CUBN: variants seen among roughly 807,000 people sequenced by gnomAD.
CUBN encodes the protein 460 kDa receptor.
CUBN carries 282 observed loss-of-function variants against 405.3 expected under a neutral mutation model. The observed-to-expected ratio is 0.70, with a 90% CI of 0.63 to 0.77. The LOEUF is 0.77. Ranked by LOEUF, CUBN falls within the 30% of genes least tolerant of loss-of-function variation. CUBN has a pLI of 0.00. For synonymous variants in CUBN, 1,684 were observed against 1,617.0 expected (o/e 1.04, Z -0.99); for missense variants, 4,514 against 4,475.2 (o/e 1.01, Z -0.25).
Position 17,111,045 on chromosome 10 carries a change from G to A in CUBN, c.889C>T (p.Gln297Ter), listed in dbSNP as rs386833791. The A allele has an allele frequency of 6.2e-7, 1 of 1,614,016 alleles. No homozygotes were observed. Among genetic ancestry groups the A allele is most frequent in the Non-Finnish European group, 8.5e-7 (1 of 1,179,988 alleles). Residue 297 changes from glutamine to a stop codon, truncating the protein, a stop_gained, in exon 9 of 67, where the codon CAA becomes TAA. Transcript: ENST00000377833. LOFTEE classifies it high-confidence loss of function. Reference sequence around the variant, plus strand: ...TCTTCGCAAATATATCCATTGCCTTGCCAGCCTAGGAAAACAAGAGGATTT... The same window carrying A: ...TCTTCGCAAATATATCCATTGCCTTACCAGCCTAGGAAAACAAGAGGATTT... ...FYCGACPTGW[Q>*]GNGYICEDIN...
chr10:16,824,524 GTTTCT>G lies in CUBN; in HGVS notation c.*446_*450del, dbSNP rs1050687201. 1.8e-5 allele frequency: 3 copies of G among 166,754 alleles called. No homozygotes were observed. Among genetic ancestry groups the G allele is most frequent in the Non-Finnish European group, 2.6e-5 (2 of 76,150 alleles). 10.3% of individuals were successfully genotyped at this position (166,754 alleles called of 1,614,324 possible). A position where few individuals can be genotyped will look rare whatever the true frequency, so the allele number is the denominator to read the frequency against. ...ACAAATATTGATTCTGGTTTTTTTT[GTTTCT>G]TTTTTTTTTGAGATGGAGTCTTGCC... On this transcript the variant is annotated 3_prime_UTR_variant, in exon 67 of 67. Transcript: ENST00000377833.
intron 14 of CUBN, among the ~76,000 whole-genome samples, chr10:17,092,087 C>T (rs978610123): frequency 2.0e-5 from 3 of 152,128 alleles, no homozygotes; most frequent in Non-Finnish European, 4.4e-5. Flanking sequence ...CCCACAGGGA[C>T]GATACGGAGA....
intron 29 of CUBN, among the ~76,000 whole-genome samples, chr10:16,986,386 G>C (rs1833424918): frequency 6.6e-6 from 1 of 152,236 alleles, no homozygotes; most frequent in African/African-American, 2.4e-5. Context: ...TGTTCTCTGG[G>C]GAGAGGGAGT....
intron 36 of CUBN, among the ~76,000 whole-genome samples, chr10:16,942,923 G>A (rs1011017288): frequency 6.6e-6 from 1 of 151,886 alleles, no homozygotes; most frequent in African/African-American, 2.4e-5. Context: ...GAAAGGAAAG[G>A]AAAAATGTAC....
At chr10:16,891,893 C>G (rs565834185) in intron 54 of CUBN, among the ~76,000 whole-genome samples, 94 of 152,032 alleles carry the variant, frequency 6.2e-4, no homozygotes, top group Middle Eastern at 6.8e-3. Flanking sequence ...ACACAATCTG[C>G]AATACCCAAT....
intron 60 of CUBN, among the ~76,000 whole-genome samples, chr10:16,842,450 G>C (rs1477205000): frequency 6.6e-6 from 1 of 152,028 alleles, no homozygotes; most frequent in East Asian, 1.9e-4. Context: ...TCCCAAAACT[G>C]TTCTCCCAGA....
intron 19 of CUBN, 63 bp downstream of exon 19, chr10:17,071,363 C>A (rs1835734682): frequency 1.3e-6 from 2 of 1,519,156 alleles, no homozygotes; most frequent in Non-Finnish European, 1.8e-6. Context: ...TTGAAGACAA[C>A]AACCCATAAT....
In CUBN at chr10:16,954,520, G is replaced by A. The variant is rs368235862; in HGVS notation, c.4724C>T (p.Ser1575Phe). The change falls in exon 32 of 67, where the codon TCC becomes TTC. Residue 1575 changes from serine (S) to phenylalanine (F), a missense_variant. Transcript: ENST00000377833. ...MAYDGLSSTMSRLARTCGREQ... is the reference protein window; with the variant it reads ...MAYDGLSSTMFRLARTCGREQ... ...CCTTCCACACGTCCTGGCAAGGCGG[G>A]ACATTGTGGAGCTTAAGCCATCGTA... The A allele has an allele frequency of 1.9e-6, 3 of 1,613,678 alleles. No individual in the cohort carries two copies. Among genetic ancestry groups the A allele is most frequent in the Non-Finnish European group, 8.5e-7 (1 of 1,180,018 alleles).
intron 10 of CUBN, among the ~76,000 whole-genome samples, chr10:17,106,722 C>T (rs891670161): frequency 2.0e-5 from 3 of 152,196 alleles, no homozygotes; most frequent in East Asian, 1.9e-4. Flanking sequence ...GAGGGGAGCC[C>T]AGAGAGCAAG....
At chr10:16,955,709 T>C (rs1843044515) in intron 31 of CUBN, among the ~76,000 whole-genome samples, 1 of 152,188 alleles carries the variant, frequency 6.6e-6, no homozygotes, top group African/African-American at 2.4e-5. Flanking sequence ...GCCCTTCACG[T>C]ACACTGTCCC....
At chr10:16,963,957 C>A (rs73596224) in intron 31 of CUBN, among the ~76,000 whole-genome samples, 17,728 of 152,184 alleles carry the variant, frequency 0.12, 1,553 homozygotes, top group African/African-American at 0.26. Flanking sequence ...TCCTCTGGGA[C>A]GGGGAACAGG....
At chr10:16,832,422 T>C (rs1424017031) in intron 64 of CUBN, among the ~76,000 whole-genome samples, 3 of 152,068 alleles carry the variant, frequency 2.0e-5, no homozygotes, top group Non-Finnish European at 2.9e-5. Flanking sequence ...TTTAGGTCGA[T>C]GTAGTAGCCC....
chr10:16,864,029 T>C lies in CUBN; in HGVS notation c.9454+5607A>G, dbSNP rs191001386. 6.5e-3 allele frequency among the ~76,000 whole-genome samples: 991 copies of C among 152,240 alleles called. 19 individuals carry two copies. The highest frequency in any genetic ancestry group is 4.6e-3 in the Non-Finnish European group (313 of 68,018). On this transcript the variant is annotated intron_variant, in intron 59 of 66. Coordinates refer to ENST00000377833, the MANE Select transcript of CUBN (RefSeq NM_001081.4). ...TACCCAACAATTATATAAACCAGGA[T>C]TGAATTTTGAGAATGAGCTGAATCT... is the stretch of plus-strand genomic sequence containing the variant.
intron 59 of CUBN, among the ~76,000 whole-genome samples, chr10:16,864,953 T>A (rs1366942774): frequency 8.5e-6 from 1 of 117,150 alleles, no homozygotes; most frequent in African/African-American, 4.1e-5. Flanking sequence ...CCCAGCTTTT[T>A]TTTTTTTTTT....
intron 64 of CUBN, among the ~76,000 whole-genome samples, chr10:16,834,053 G>T (rs703058): frequency 0.12 from 18,626 of 152,110 alleles, 1,558 homozygotes; most frequent in East Asian, 0.29. Flanking sequence ...TTATGCTCTT[G>T]GTTTTTAGGT....
intron 27 of CUBN, among the ~76,000 whole-genome samples, chr10:17,028,265 C>A (rs866615523): frequency 6.9e-5 from 10 of 144,542 alleles, no homozygotes; most frequent in Middle Eastern, 3.6e-3. Flanking sequence ...TATTATTATG[C>A]CTCTTAAAAT....
In CUBN at chr10:16,950,008, G is replaced by C. The variant is rs200977290; in HGVS notation, c.5073C>G (p.Pro1691=). The change falls in exon 34 of 67, where the codon CCC becomes CCG. Residue 1691 remains proline, a synonymous_variant. Transcript: ENST00000377833. Reference sequence around the variant, plus strand: ...GAGTGAACGCTGAGGTACCTCGGAGGGGCGCGTCTTCGTGGCCGCCATCCA... The same window carrying C: ...GAGTGAACGCTGAGGTACCTCGGAGCGGCGCGTCTTCGTGGCCGCCATCCA... ...EILDGGHEDA[P]LRGRYCGTDM... is the part of the protein sequence containing the mutation. 1.0e-4 allele frequency: 161 copies of C among 1,612,650 alleles called. 1 individual carries two copies. The highest frequency in any genetic ancestry group is 6.7e-4 in the Middle Eastern group (4 of 5,972).
intron 36 of CUBN, among the ~76,000 whole-genome samples, chr10:16,944,438 C>T (rs1842728221): frequency 6.6e-6 from 1 of 152,192 alleles, no homozygotes; most frequent in East Asian, 1.9e-4. Flanking sequence ...CAGTCTTCTT[C>T]CCTACTCAGT....
intron 6 of CUBN, among the ~76,000 whole-genome samples, chr10:17,121,576 T>G (rs1837042716): frequency 6.7e-6 from 1 of 149,740 alleles, no homozygotes; most frequent in Non-Finnish European, 1.5e-5. Flanking sequence ...GGGATAGCAT[T>G]AGGAGATATA....
Sources: gnomAD v4.1 joint callset for allele counts (sites outside exome capture counted in the v4.1 genomes callset) on GRCh38, gnomAD v4.1.1 for gene constraint, MANE v1.5 for transcripts, NCBI Gene and HGNC (gene_info 2026-07-23, HGNC 2026-07-21) for gene names.